LRP1B: variants seen among roughly 807,000 people sequenced by gnomAD.
The protein encoded by LRP1B is low-density lipoprotein receptor-related protein 1B.
In LRP1B, 217 loss-of-function variants were observed where a neutral mutation model predicts 556.6. That is an observed-to-expected ratio of 0.39 (90% CI 0.35 to 0.44). The LOEUF (loss-of-function observed/expected upper bound fraction) is 0.44, where lower values mean the gene tolerates loss of function less well. Among genes scored for constraint, LRP1B ranks in the 20% least tolerant of loss-of-function variants. LRP1B has a pLI of 1.00. For synonymous variants in LRP1B, 2,047 were observed against 1,865.8 expected, an observed-to-expected ratio of 1.10 and a Z score of -2.50; for missense variants, 5,053 against 5,620.8, an observed-to-expected ratio of 0.90 and a Z score of 3.23.
Position 141,058,875 on chromosome 2 carries a change from C to G in LRP1B, c.1408+8G>C, listed in dbSNP as rs751796626. The G allele has an allele frequency of 2.5e-6, 4 of 1,575,614 alleles. No homozygotes were observed. Among genetic ancestry groups the G allele is most frequent in the Non-Finnish European group, 3.4e-6 (4 of 1,163,420 alleles). ...TTAGGAAGGTAATAAAGAAGCTTTC[C>G]CACTTACCTGTTGGTTGAGTTCTTT... is the stretch of plus-strand genomic sequence containing the variant. On this transcript the variant is annotated splice_region_variant and intron_variant, in intron 9 of 90. Coordinates refer to ENST00000389484, the MANE Select transcript of LRP1B (RefSeq NM_018557.3).
intron 89 of LRP1B, among the ~76,000 whole-genome samples, chr2:140,235,364 C>T (rs1162790845): frequency 1.0e-5 from 1 of 98,506 alleles, no homozygotes; most frequent in Non-Finnish European, 2.5e-5. Flanking sequence ...CAAAATTTTT[C>T]TTCACATGTA....
intron 1 of LRP1B, among the ~76,000 whole-genome samples, chr2:141,860,766 C>A (rs1698212931): frequency 6.6e-6 from 1 of 152,116 alleles, no homozygotes; most frequent in African/African-American, 2.4e-5. Context: ...AGAATTGTAG[C>A]AAATATTTCT....
At position 140,320,387 on chromosome 2, in the gene LRP1B, G is replaced by T. The variant is rs542639406; in HGVS notation, c.12640+1576C>A. Among the ~76,000 whole-genome samples, 3 of 152,224 alleles carry T rather than the reference G, an allele frequency of 2.0e-5. No homozygotes were observed. In the South Asian group the frequency reaches 6.2e-4, roughly 32 times the overall value. On this transcript the variant is annotated intron_variant, in intron 82 of 90. Coordinates refer to ENST00000389484, the MANE Select transcript of LRP1B (RefSeq NM_018557.3). ...TATAAAGAGCACAAGTCTTCAAATTGGATGTAACCTTCAGCAGAGAACAAA... is the reference window on the plus strand; with the variant it reads ...TATAAAGAGCACAAGTCTTCAAATTTGATGTAACCTTCAGCAGAGAACAAA...
chr2:142,084,857 A>G (rs1705853823), intron 1 of LRP1B, among the ~76,000 whole-genome samples: 1 of 150,776 alleles, frequency 6.6e-6, no homozygotes, highest in African/African-American at 2.4e-5. Flanking sequence ...TCAAAATTAA[A>G]TACACTGACA....
At chr2:141,163,110 C>T (rs1390500127) in intron 7 of LRP1B, among the ~76,000 whole-genome samples, 1 of 152,054 alleles carries the variant, frequency 6.6e-6, no homozygotes, top group Non-Finnish European at 1.5e-5. Flanking sequence ...CTCAGTAATA[C>T]TACTTTTCCT....
At chr2:141,011,921 C>G (rs1031947557) in intron 14 of LRP1B, among the ~76,000 whole-genome samples, 18 of 151,846 alleles carry the variant, frequency 1.2e-4, no homozygotes, top group Admixed American at 3.3e-4. Flanking sequence ...TGTAGGGTAA[C>G]CTTAAAAACA....
At chr2:140,618,535 T>C (rs1233470346) in intron 41 of LRP1B, among the ~76,000 whole-genome samples, 1 of 152,102 alleles carries the variant, frequency 6.6e-6, no homozygotes, top group African/African-American at 2.4e-5. Flanking sequence ...AACAAAGATA[T>C]GCCTTCTGAA....
At chr2:140,304,183 G>T (rs1683964378) in intron 83 of LRP1B, among the ~76,000 whole-genome samples, 1 of 152,166 alleles carries the variant, frequency 6.6e-6, no homozygotes, top group African/African-American at 2.4e-5. Context: ...CCAGTAATGG[G>T]ATGGCTGGGT....
chr2:140,692,212 AT>A (rs1240219576), intron 41 of LRP1B, among the ~76,000 whole-genome samples: 3 of 152,136 alleles, frequency 2.0e-5, no homozygotes, highest in African/African-American at 4.8e-5. Flanking sequence ...AATATGTTGT[AT>A]TGTTTACATA....
At chr2:140,786,687 T>A (rs1211779565) in intron 32 of LRP1B, among the ~76,000 whole-genome samples, 1 of 152,200 alleles carries the variant, frequency 6.6e-6, no homozygotes, top group Non-Finnish European at 1.5e-5. Context: ...AGAATTTGCT[T>A]TCAAGCCTTT....
At chr2:141,224,515 G>A (rs7426134) in intron 6 of LRP1B, among the ~76,000 whole-genome samples, 40,252 of 152,048 alleles carry the variant, frequency 0.26, 6,149 homozygotes, top group Middle Eastern at 0.46. Flanking sequence ...TCATTCTATT[G>A]TAAAGATAGA....
In LRP1B at chr2:140,910,643, A is replaced by C. The variant is rs141414229; in HGVS notation, c.3320-2566T>G. 2.6e-3 allele frequency among the ~76,000 whole-genome samples: 402 copies of C among 152,000 alleles called. 1 individual carries two copies. The highest frequency in any genetic ancestry group is 9.5e-3 in the African/African-American group (394 of 41,566). The stretch of plus-strand genomic sequence containing the variant: ...CTTTTAAATCAATAAGATAACAATC[A>C]ATCCAAGTGCAAGATTCATAAAGAA... On this transcript the variant is annotated intron_variant, in intron 21 of 90. Transcript: ENST00000389484.
intron 32 of LRP1B, among the ~76,000 whole-genome samples, chr2:140,804,989 G>A (rs2105017150): frequency 6.6e-6 from 1 of 152,006 alleles, no homozygotes; most frequent in East Asian, 1.9e-4. Flanking sequence ...TGTCCTTAAG[G>A]GTTATGTTTG....
At chr2:141,389,531 G>T (rs1689967081) in intron 3 of LRP1B, among the ~76,000 whole-genome samples, 2 of 152,078 alleles carry the variant, frequency 1.3e-5, no homozygotes, top group South Asian at 4.1e-4. Context: ...TTAAAATCAT[G>T]AACGAATATT....
At chr2:142,082,946 C>T (rs1427821197) in intron 1 of LRP1B, among the ~76,000 whole-genome samples, 2 of 152,052 alleles carry the variant, frequency 1.3e-5, no homozygotes, top group African/African-American at 2.4e-5. Context: ...ATTGTTATCT[C>T]TGCAAGATAA....
chr2:141,829,713 C>T (rs900360606), intron 1 of LRP1B, among the ~76,000 whole-genome samples: 1 of 151,904 alleles, frequency 6.6e-6, no homozygotes, highest in African/African-American at 2.4e-5. Flanking sequence ...CCACCTCCCC[C>T]AATAGGATTT....
At chr2:141,242,439 G>C (rs531412534) in intron 5 of LRP1B, among the ~76,000 whole-genome samples, 1 of 151,844 alleles carries the variant, frequency 6.6e-6, no homozygotes, top group African/African-American at 2.4e-5. Flanking sequence ...ATATGAAAAC[G>C]TTCCCTGACC....
intron 41 of LRP1B, among the ~76,000 whole-genome samples, chr2:140,699,585 C>T (rs543522466): frequency 6.6e-6 from 1 of 151,070 alleles, no homozygotes; most frequent in South Asian, 2.1e-4. Flanking sequence ...CACACAAAGA[C>T]ATCAAGAAGA....
chr2:141,359,267 GAA>G (rs60786833), intron 3 of LRP1B, among the ~76,000 whole-genome samples: 4 of 123,506 alleles, frequency 3.2e-5, no homozygotes, highest in Admixed American at 8.3e-5. Flanking sequence ...CAAAATAAAT[GAA>G]AAAAAAAAAA....
Sources: allele counts gnomAD v4.1 joint callset (sites outside exome capture counted in the v4.1 genomes callset), GRCh38; gene constraint gnomAD v4.1.1; transcripts MANE v1.5; gene names NCBI Gene and HGNC (gene_info 2026-07-23, HGNC 2026-07-21).